Variants in LOXL2 observed in about 807,000 individuals in gnomAD.
LOXL2 encodes the protein lysyl oxidase like 2.
A neutral mutation model predicts 93.0 loss-of-function variants in LOXL2; 70 were observed. The observed-to-expected ratio is 0.75, with a 90% CI of 0.62 to 0.92. The LOEUF (loss-of-function observed/expected upper bound fraction) is 0.92, where lower values mean the gene tolerates loss of function less well. Ranked by LOEUF, LOXL2 falls within the 40% of genes least tolerant of loss-of-function variation. The probability of loss-of-function intolerance (pLI) is 0.00; values close to 1 mark genes in which losing one functional copy is unlikely to be tolerated. For synonymous variants in LOXL2, 438 were observed against 413.2 expected (o/e 1.06, Z -0.73); for missense variants, 973 against 1,054.9 (o/e 0.92, Z 1.08).
At chr8:23,357,448 T>A (rs10094827) in intron 3 of LOXL2, among the ~76,000 whole-genome samples, 62,920 of 152,094 alleles carry the variant, frequency 0.41, 14,338 homozygotes, top group African/African-American at 0.62. Flanking sequence ...CGCCCTGGAA[T>A]TATTAAGCAT....
chr8:23,345,966 G>T (rs1470427769), intron 3 of LOXL2, among the ~76,000 whole-genome samples: 1 of 151,886 alleles, frequency 6.6e-6, no homozygotes, highest in Non-Finnish European at 1.5e-5. Flanking sequence ...TACTCGGGAG[G>T]CTGAGGCAGG....
In LOXL2 at chr8:23,372,552, A is replaced by C. The variant is rs141857899; in HGVS notation, c.-83-4118T>G. On this transcript the variant is annotated intron_variant, in intron 1 of 13. Transcript: ENST00000389131. ...TTTATATTTCTTAGAAGAGACACAG[A>C]GGCTTAATGTAAAAGGATGGAAACA... Among the ~76,000 whole-genome samples, 7 of 152,300 alleles carry C rather than the reference A, an allele frequency of 4.6e-5. No homozygotes were observed. The East Asian group carries it at 1.3e-3, about 29-fold the overall frequency.
chr8:23,390,280 G>T (rs1804820420), intron 1 of LOXL2, among the ~76,000 whole-genome samples: 1 of 152,208 alleles, frequency 6.6e-6, no homozygotes, highest in South Asian at 2.1e-4. Context: ...GCTGAATGGG[G>T]TTTGCTCAGA....
intron 10 of LOXL2, among the ~76,000 whole-genome samples, chr8:23,305,290 G>A (rs970730054): frequency 6.6e-6 from 1 of 152,184 alleles, no homozygotes; most frequent in African/African-American, 2.4e-5. Flanking sequence ...GGATGACCCC[G>A]TCCCACTGCT....
chr8:23,342,433 C>CTTTT (rs1178917449), intron 3 of LOXL2, among the ~76,000 whole-genome samples: 1 of 137,328 alleles, frequency 7.3e-6, no homozygotes, highest in East Asian at 2.7e-4. Flanking sequence ...TTTTCTTTTT[C>CTTTT]TTTTTTTTTT....
At chr8:23,378,974 C>T (rs1027950532) in intron 1 of LOXL2, among the ~76,000 whole-genome samples, 23 of 152,148 alleles carry the variant, frequency 1.5e-4, no homozygotes, top group Admixed American at 4.6e-4. Flanking sequence ...CCATTGCTGG[C>T]GAGGAGCTGT....
rs188262111 is a variant in LOXL2 at position 23,386,567 on chromosome 8, T to C, written c.-84+17387A>G. On this transcript the variant is annotated intron_variant, in intron 1 of 13. Coordinates refer to ENST00000389131, the MANE Select transcript of LOXL2 (RefSeq NM_002318.3). ...TGTTCTATTAGTCCTTGCTCAGAGA[T>C]CTTAATTTCACAAAAGAAATAAAAA... is the stretch of plus-strand genomic sequence containing the variant. 9.1e-4 allele frequency among the ~76,000 whole-genome samples: 138 copies of C among 152,266 alleles called. 1 individual carries two copies. Among genetic ancestry groups the C allele is most frequent in the African/African-American group, 3.2e-3 (134 of 41,548 alleles).
At chr8:23,298,203 C>T in intron 13 of LOXL2, 81 bp from the exon 14 acceptor site, 1 of 1,068,892 alleles carries the variant, frequency 9.4e-7, no homozygotes, top group East Asian at 2.4e-5. Context: ...GGGAGTGGGC[C>T]TCAGGGGCTG....
At chr8:23,389,988 G>A (rs528363321) in intron 1 of LOXL2, among the ~76,000 whole-genome samples, 2 of 152,340 alleles carry the variant, frequency 1.3e-5, no homozygotes, top group East Asian at 1.9e-4. Context: ...GCTTGCAACA[G>A]TGTGGCCCAG....
At chr8:23,346,327 C>T (rs955464936) in intron 3 of LOXL2, among the ~76,000 whole-genome samples, 4 of 152,014 alleles carry the variant, frequency 2.6e-5, no homozygotes, top group Non-Finnish European at 4.4e-5. Flanking sequence ...AACAGTGCAC[C>T]CAGGACTCCA....
intron 6 of LOXL2, among the ~76,000 whole-genome samples, chr8:23,325,251 G>A (rs1373921526): frequency 2.0e-5 from 3 of 152,132 alleles, no homozygotes; most frequent in Non-Finnish European, 4.4e-5. Flanking sequence ...TTAAAATTGT[G>A]GCTACTAGAA....
At chr8:23,400,249 A>C (rs1453025141) in intron 1 of LOXL2, among the ~76,000 whole-genome samples, 2 of 152,212 alleles carry the variant, frequency 1.3e-5, no homozygotes, top group African/African-American at 4.8e-5. Flanking sequence ...GAGACTGGGT[A>C]CTTTGTAAAG....
rs147016504 is a variant in LOXL2 at position 23,301,909 on chromosome 8, T to C, written c.2133+118A>G. Reference sequence around the variant, plus strand: ...CGTGATGGCCTCTGGGGGTAGCACCTTGCCCTTTAGACAGCCTGACTTCCA... The same window carrying C: ...CGTGATGGCCTCTGGGGGTAGCACCCTGCCCTTTAGACAGCCTGACTTCCA... On this transcript the variant is annotated intron_variant, in intron 12 of 13. Transcript: ENST00000389131. The C allele has an allele frequency of 2.9e-3, 3,751 of 1,285,190 alleles. 11 individuals carry two copies. Among genetic ancestry groups the C allele is most frequent in the Admixed American group, 3.9e-3 (191 of 49,564 alleles). 79.6% of individuals were successfully genotyped at this position (1,285,190 alleles called of 1,614,324 possible). A position where few individuals can be genotyped will look rare whatever the true frequency, so the allele number is the denominator to read the frequency against.
intron 9 of LOXL2, among the ~76,000 whole-genome samples, chr8:23,315,156 A>T (rs887475816): frequency 6.6e-6 from 1 of 152,174 alleles, no homozygotes; most frequent in African/African-American, 2.4e-5. Flanking sequence ...GGTCATCTGG[A>T]CACAGGCAGC....
In LOXL2 at chr8:23,319,939, C is replaced by T. The variant is rs1803467491; in HGVS notation, c.1416G>A (p.Glu472=). 3 of 1,614,096 alleles carry T rather than the reference C, an allele frequency of 1.9e-6. No individual in the cohort carries two copies. Among genetic ancestry groups the T allele is most frequent in the South Asian group, 1.1e-5 (1 of 91,088 alleles). The change falls in exon 8 of 14, where the codon GAG becomes GAA. Residue 472 remains glutamate, a synonymous_variant. Transcript: ENST00000389131. ...CCAGCTGGCGGCAGACCACCATGGCCTCCACGATGCCCCAGTTTTGGCCAC... is the reference window on the plus strand; with the variant it reads ...CCAGCTGGCGGCAGACCACCATGGCTTCCACGATGCCCCAGTTTTGGCCAC... ...MVCGQNWGIV[E]AMVVCRQLGL... is the part of the protein sequence containing the mutation.
intron 1 of LOXL2, among the ~76,000 whole-genome samples, chr8:23,388,044 G>C (rs1187419286): frequency 6.6e-6 from 1 of 152,186 alleles, no homozygotes; most frequent in Non-Finnish European, 1.5e-5. Flanking sequence ...TAAGTTCCTA[G>C]ACCATAGCAG....
At chr8:23,399,253 C>T (rs767584574) in intron 1 of LOXL2, among the ~76,000 whole-genome samples, 14 of 152,166 alleles carry the variant, frequency 9.2e-5, no homozygotes, top group African/African-American at 1.4e-4. Context: ...GGGAAATGGA[C>T]GATGACAGTA....
In LOXL2 at chr8:23,333,466, A is replaced by T. The variant is rs772692808; in HGVS notation, c.901T>A (p.Cys301Ser). 2 of 1,613,936 alleles carry T rather than the reference A, an allele frequency of 1.2e-6. No individual in the cohort carries two copies. The highest frequency in any genetic ancestry group is 2.2e-5 in the South Asian group (2 of 91,088). ...CENGLPAVVS[C>S]VPGQVFSPDG... Reference sequence around the variant, plus strand: ...GGGCTGAAGACCTGCCCAGGCACACAACTCACCACGGCCGGTAGCCCATTC... The same window carrying T: ...GGGCTGAAGACCTGCCCAGGCACACTACTCACCACGGCCGGTAGCCCATTC... Residue 301 changes from cysteine (C) to serine (S), a missense_variant, in exon 5 of 14, where the codon TGT becomes AGT. Transcript: ENST00000389131.
intron 3 of LOXL2, among the ~76,000 whole-genome samples, chr8:23,348,855 C>T (rs1397050170): frequency 1.3e-5 from 2 of 151,114 alleles, no homozygotes; most frequent in South Asian, 2.1e-4. Flanking sequence ...CCAGCCTGGG[C>T]GACAGAGCAA....
Sources: allele counts gnomAD v4.1 joint callset (sites outside exome capture counted in the v4.1 genomes callset), GRCh38; gene constraint gnomAD v4.1.1; transcripts MANE v1.5; gene names NCBI Gene and HGNC (gene_info 2026-07-23, HGNC 2026-07-21).